The following NPBWR2 variants were observed in gnomAD, a reference collection of about 807,000 sequenced individuals.
The protein encoded by NPBWR2 is neuropeptides B and W receptor 2, also known as neuropeptides B/W receptor type 2.
For missense variants in NPBWR2, 390 were observed against 458.2 expected (o/e 0.85, Z 1.36); for synonymous variants, 207 against 223.5 (o/e 0.93, Z 0.66).
rs2145639723 is a variant in NPBWR2 at position 64,104,444 on chromosome 20, G to A, written c.*1386C>T. ...AAGTATGAGAGGAGCATCGGCCACA[G>A]CAGGGGTGTACAGGCCATGGCGAGG... On this transcript the variant is annotated 3_prime_UTR_variant, in exon 2 of 2. Transcript: ENST00000684052. 1.3e-5 allele frequency among the ~76,000 whole-genome samples: 2 copies of A among 151,998 alleles called. No individual in the cohort carries two copies. The highest frequency in any genetic ancestry group is 2.9e-5 in the Non-Finnish European group (2 of 67,982).
At position 64,107,192 on chromosome 20, in the gene NPBWR2, G is replaced by A. The variant is rs936382159; in HGVS notation, c.-92+172C>T. 6 of 354,730 alleles carry A rather than the reference G, an allele frequency of 1.7e-5. No homozygotes were observed. The highest frequency in any genetic ancestry group is 6.2e-5 in the African/African-American group (3 of 48,770). The allele number at this position is 354,730 out of a possible 1,614,324, so 22.0% of individuals were successfully genotyped here. On this transcript the variant is annotated intron_variant, in intron 1 of 1. Transcript: ENST00000684052. This position sits in a 1 kb window ranked among gnomAD's most constrained non-coding sequence, Gnocchi z 6.3. Reference sequence around the variant, plus strand: ...CTGCCCCAGCAACCCGCAGATGCACGGGCTGCGTAGAATCAAGCGGTCCCT... The same window carrying A: ...CTGCCCCAGCAACCCGCAGATGCACAGGCTGCGTAGAATCAAGCGGTCCCT...
rs1267808963 is a variant in NPBWR2 at position 64,107,287 on chromosome 20, G to A, written c.-92+77C>T. ...GAAGGTCCTTCCCTCAGGGGTCTTG[G>A]AGTCTGCACCCTCCCTCACACCCTC... On this transcript the variant is annotated intron_variant, in intron 1 of 1. Coordinates refer to ENST00000684052, the MANE Select transcript of NPBWR2 (RefSeq NM_005286.4). This position sits in a 1 kb window ranked among gnomAD's most constrained non-coding sequence, Gnocchi z 6.3. The A allele has an allele frequency of 9.7e-6, 2 of 207,204 alleles. No individual in the cohort carries two copies. The highest frequency in any genetic ancestry group is 4.6e-5 in the African/African-American group (2 of 43,888). The allele number at this position is 207,204 out of a possible 1,614,324, so 12.8% of individuals were successfully genotyped here. A position where few individuals can be genotyped will look rare whatever the true frequency, so the allele number is the denominator to read the frequency against.
chr20:64,105,806 TG>T lies in NPBWR2; in HGVS notation c.*23del. The stretch of plus-strand genomic sequence containing the variant: ...TGGGGGGTGATGATGGGCATGATGA[TG>T]GGGGTGATGGTGCCCAGGCCCTTCA... On this transcript the variant is annotated 3_prime_UTR_variant, in exon 2 of 2. Coordinates refer to ENST00000684052, the MANE Select transcript of NPBWR2 (RefSeq NM_005286.4). 6.7e-7 allele frequency: 1 copy of T among 1,502,808 alleles called. No homozygotes were observed. Among genetic ancestry groups the T allele is most frequent in the Non-Finnish European group, 9.0e-7 (1 of 1,110,102 alleles). The allele number at this position is 1,502,808 out of a possible 1,614,324, so 93.1% of individuals were successfully genotyped here.
In NPBWR2 at chr20:64,106,331, G is replaced by T; in HGVS notation, c.501C>A (p.Ser167Arg). The T allele has an allele frequency of 6.2e-7, 1 of 1,612,802 alleles. No homozygotes were observed. Among genetic ancestry groups the T allele is most frequent in the Non-Finnish European group, 8.5e-7 (1 of 1,179,996 alleles). ...CCGTGACGCCCAGCCAGACACACAG[G>T]CTGGCGACCTTCGCCCCCCGGTAGG... is the stretch of plus-strand genomic sequence containing the variant. ...WRTYRGAKVA[S>R]LCVWLGVTVL... Residue 167 changes from serine (S) to arginine (R), a missense_variant, in exon 2 of 2, where the codon AGC becomes AGA. Ser to Arg is a moderately radical substitution (Grantham distance 110). Transcript: ENST00000684052. The surrounding 1 kb of genome is among the most constrained non-coding windows in gnomAD (Gnocchi z 9.5).
At position 64,106,365 on chromosome 20, in the gene NPBWR2, G is replaced by A. The variant is rs1323337628; in HGVS notation, c.467C>T (p.Pro156Leu). 6 of 1,612,642 alleles carry A rather than the reference G, an allele frequency of 3.7e-6. No homozygotes were observed. In the East Asian group the frequency reaches 1.3e-4, roughly 36 times the overall value. ...VLATVRSRHM[P>L]WRTYRGAKVA... Reference sequence around the variant, plus strand: ...CTTCGCCCCCCGGTAGGTGCGCCAGGGCATGTGGCGGGACCTCACGGTGGC... The same window carrying A: ...CTTCGCCCCCCGGTAGGTGCGCCAGAGCATGTGGCGGGACCTCACGGTGGC... Residue 156 changes from proline (P) to leucine (L), a missense_variant, in exon 2 of 2, where the codon CCC becomes CTC. Coordinates refer to ENST00000684052, the MANE Select transcript of NPBWR2 (RefSeq NM_005286.4). The surrounding 1 kb of genome is among the most constrained non-coding windows in gnomAD (Gnocchi z 9.5).
In NPBWR2 at chr20:64,106,095, G is replaced by A. The variant is rs1169479722; in HGVS notation, c.737C>T (p.Ser246Phe). 3 of 1,611,458 alleles carry A rather than the reference G, an allele frequency of 1.9e-6. No homozygotes were observed. In the South Asian group the frequency reaches 3.3e-5, roughly 18 times the overall value. The change falls in exon 2 of 2, where the codon TCT (serine) becomes TTT (phenylalanine). Residue 246 changes from serine to phenylalanine, a missense_variant. By Grantham distance (155) the Ser-to-Phe change is radical (BLOSUM62 -2). Transcript: ENST00000684052. This position sits in a 1 kb window ranked among gnomAD's most constrained non-coding sequence, Gnocchi z 9.5. Reference sequence around the variant, plus strand: ...GGCCTTGCCTAGAGCCTTGGCTCCAGAGCGGAGCCGCACGGCCCGCAGCCT... The same window carrying A: ...GGCCTTGCCTAGAGCCTTGGCTCCAAAGCGGAGCCGCACGGCCCGCAGCCT... ...LRRLRAVRLR[S>F]GAKALGKARR...
At position 64,105,798 on chromosome 20, in the gene NPBWR2, C is replaced by CGTG. The variant is rs754214236; in HGVS notation, c.*31_*32insCAC. Reference sequence around the variant, plus strand: ...GATGATGATGGGGGGTGATGATGGGCATGATGATGGGGGTGATGGTGCCCA... The same window carrying CGTG: ...GATGATGATGGGGGGTGATGATGGGCGTGATGATGATGGGGGTGATGGTGCCCA... On this transcript the variant is annotated 3_prime_UTR_variant, in exon 2 of 2. Transcript: ENST00000684052. 3.6e-4 allele frequency: 400 copies of CGTG among 1,125,622 alleles called. 22 individuals are homozygous for CGTG. The highest frequency in any genetic ancestry group is 2.2e-3 in the Middle Eastern group (9 of 4,072). 69.7% of individuals were successfully genotyped at this position (1,125,622 alleles called of 1,614,324 possible). A position where few individuals can be genotyped will look rare whatever the true frequency, so the allele number is the denominator to read the frequency against.
chr20:64,107,030 T>C lies in NPBWR2; in HGVS notation c.-91-108A>G, dbSNP rs1980078711. The C allele has an allele frequency of 1.5e-6, 1 of 671,942 alleles. No individual in the cohort carries two copies. The highest frequency in any genetic ancestry group is 2.6e-6 in the Non-Finnish European group (1 of 390,702). The allele number at this position is 671,942 out of a possible 1,614,324, so 41.6% of individuals were successfully genotyped here. A position where few individuals can be genotyped will look rare whatever the true frequency, so the allele number is the denominator to read the frequency against. The stretch of plus-strand genomic sequence containing the variant: ...CGGCCACTTTGCCAGGTCAAGGACA[T>C]GGGGCCAGAGGGAGCCTGGTGGGGT... On this transcript the variant is annotated intron_variant, in intron 1 of 1. Transcript: ENST00000684052. This position sits in a 1 kb window ranked among gnomAD's most constrained non-coding sequence, Gnocchi z 6.3.
chr20:64,104,232 C>A lies in NPBWR2; in HGVS notation c.*1598G>T, dbSNP rs1278904292. ...CAGTCAGCGGTCTCTGAACTGCCTGCATTTCATTACCACCCCTCACCCTGC... is the reference window on the plus strand; with the variant it reads ...CAGTCAGCGGTCTCTGAACTGCCTGAATTTCATTACCACCCCTCACCCTGC... On this transcript the variant is annotated 3_prime_UTR_variant, in exon 2 of 2. Coordinates refer to ENST00000684052, the MANE Select transcript of NPBWR2 (RefSeq NM_005286.4). Among the ~76,000 whole-genome samples, 1 of 152,168 alleles carries A rather than the reference C, an allele frequency of 6.6e-6. No individual in the cohort carries two copies. The highest frequency in any genetic ancestry group is 2.4e-5 in the African/African-American group (1 of 41,408).
Position 64,104,776 on chromosome 20 carries a change from C to T in NPBWR2, c.*1054G>A, listed in dbSNP as rs865842880. Among the ~76,000 whole-genome samples the T allele has an allele frequency of 4.9e-4, 34 of 69,836 alleles. No homozygotes were observed. Among genetic ancestry groups the T allele is most frequent in the South Asian group, 1.7e-3 (3 of 1,746 alleles). 45.8% of individuals were successfully genotyped at this position (69,836 alleles called of 152,430 possible). A position where few individuals can be genotyped will look rare whatever the true frequency, so the allele number is the denominator to read the frequency against. On this transcript the variant is annotated 3_prime_UTR_variant, in exon 2 of 2. Transcript: ENST00000684052. ...AGGACTGTCGGCCACAGCAGGGGGG[C>T]ACAGGGGAGCACAGGCCATGGTGAG...
At position 64,105,634 on chromosome 20, in the gene NPBWR2, GCGTGATGGTGGATGTGAT is replaced by G. The variant is rs1979964489; in HGVS notation, c.*178_*195del. ...GTGGGGGTGGGGGTGATGGGGGTGG[GCGTGATGGTGGATGTGAT>G]GGGGGTGGGCATGATGATGGGCGTG... On this transcript the variant is annotated 3_prime_UTR_variant, in exon 2 of 2. Coordinates refer to ENST00000684052, the MANE Select transcript of NPBWR2 (RefSeq NM_005286.4). Among the ~76,000 whole-genome samples the G allele has an allele frequency of 4.5e-5, 1 of 22,088 alleles. No individual in the cohort carries two copies. Among genetic ancestry groups the G allele is most frequent in the African/African-American group, 2.4e-4 (1 of 4,224 alleles). The allele number at this position is 22,088 out of a possible 152,430, so 14.5% of individuals were successfully genotyped here. A position where few individuals can be genotyped will look rare whatever the true frequency, so the allele number is the denominator to read the frequency against.
Position 64,106,893 on chromosome 20 carries a change from A to G in NPBWR2, c.-62T>C, listed in dbSNP as rs1980074926. 2.6e-6 allele frequency: 4 copies of G among 1,563,582 alleles called. No homozygotes were observed. Among genetic ancestry groups the G allele is most frequent in the Admixed American group, 1.8e-5 (1 of 55,308 alleles). On this transcript the variant is annotated 5_prime_UTR_variant, in exon 2 of 2. Transcript: ENST00000684052. This position sits in a 1 kb window ranked among gnomAD's most constrained non-coding sequence, Gnocchi z 9.5. ...GGTGGGAGGTGCCTTGGAGTTGGGT[A>G]TCTGGTTGGGGGCCTCCTTGGGCTG... is the stretch of plus-strand genomic sequence containing the variant.
At position 64,106,815 on chromosome 20, in the gene NPBWR2, T is replaced by A; in HGVS notation, c.17A>T (p.His6Leu). ...GCCCCTGCTGTCAAGGGGCTCTGGG[T>A]GCCCAGCGGCCTGCATTGTAGCTGG... MQAAG[H>L]PEPLDSRGSF... Residue 6 changes from histidine to leucine, a missense_variant, in exon 2 of 2, where the codon CAC becomes CTC. Physicochemically the swap from His to Leu is moderately conservative, Grantham distance 99. Transcript: ENST00000684052. This position sits in a 1 kb window ranked among gnomAD's most constrained non-coding sequence, Gnocchi z 9.5. 1 of 1,610,980 alleles carries A rather than the reference T, an allele frequency of 6.2e-7. No individual in the cohort carries two copies. Among genetic ancestry groups the A allele is most frequent in the Non-Finnish European group, 8.5e-7 (1 of 1,178,616 alleles).
Position 64,106,599 on chromosome 20 carries a change from G to A in NPBWR2, c.233C>T (p.Thr78Met), listed in dbSNP as rs146623988. 2.0e-4 allele frequency: 326 copies of A among 1,611,844 alleles called. 4 individuals carry two copies. Among genetic ancestry groups the A allele is most frequent in the East Asian group, 9.1e-4 (41 of 44,878 alleles). The change falls in exon 2 of 2, where the codon ACG becomes ATG. Residue 78 changes from threonine (T) to methionine (M), a missense_variant. Physicochemically the swap from Thr to Met is moderately conservative, Grantham distance 81. Coordinates refer to ENST00000684052, the MANE Select transcript of NPBWR2 (RefSeq NM_005286.4). The surrounding 1 kb of genome is among the most constrained non-coding windows in gnomAD (Gnocchi z 9.5). Reference protein sequence around the residue: ...LVILRAPKMKTVTNVFILNLA... With the variant: ...LVILRAPKMKMVTNVFILNLA... ...GTTCAGGATGAACACGTTGGTCACC[G>A]TCTTCATCTTGGGCGCCCTTAGGAT...
In NPBWR2 at chr20:64,105,172, C is replaced by A. The variant is rs1012417928; in HGVS notation, c.*658G>T. 4.6e-5 allele frequency among the ~76,000 whole-genome samples: 7 copies of A among 152,004 alleles called. No homozygotes were observed. Among genetic ancestry groups the A allele is most frequent in the Admixed American group, 2.0e-4 (3 of 15,270 alleles). ...TGGGGAGAGACTATGTAACGTGGCC[C>A]AGGTCAAGATCACAGTTCAGGTTCC... On this transcript the variant is annotated 3_prime_UTR_variant, in exon 2 of 2. Transcript: ENST00000684052.
chr20:64,106,939 AC>A lies in NPBWR2; in HGVS notation c.-91-18del. 7.3e-7 allele frequency: 1 copy of A among 1,364,400 alleles called. No individual in the cohort carries two copies. The highest frequency in any genetic ancestry group is 1.0e-6 in the Non-Finnish European group (1 of 1,000,624). 84.5% of individuals were successfully genotyped at this position (1,364,400 alleles called of 1,614,324 possible). ...GGCTGGATTCTAGGAAAGAAAAACA[AC>A]CAGAGACTTTGAGATCCGGCCGTCT... On this transcript the variant is annotated intron_variant, in intron 1 of 1. Transcript: ENST00000684052. The surrounding 1 kb of genome is among the most constrained non-coding windows in gnomAD (Gnocchi z 9.5).
Position 64,107,166 on chromosome 20 carries a change from C to G in NPBWR2, c.-92+198G>C, listed in dbSNP as rs1306191596. On this transcript the variant is annotated intron_variant, in intron 1 of 1. Transcript: ENST00000684052. This position sits in a 1 kb window ranked among gnomAD's most constrained non-coding sequence, Gnocchi z 6.3. ...TCCTGGGAAGAGATGTGGATCCGTC[C>G]CTGCCCCAGCAACCCGCAGATGCAC... The G allele has an allele frequency of 7.1e-6, 3 of 419,754 alleles. No individual in the cohort carries two copies. The highest frequency in any genetic ancestry group is 1.3e-5 in the Non-Finnish European group (3 of 222,542). The allele number at this position is 419,754 out of a possible 1,614,324, so 26.0% of individuals were successfully genotyped here. A position where few individuals can be genotyped will look rare whatever the true frequency, so the allele number is the denominator to read the frequency against.
rs1569286193 is a variant in NPBWR2, at chr20:64,106,443, GAGA to G, written c.386_388del (p.Phe129del). ...CATCACGGCTAGGAAGTAGATGCTGGAGAAGATGTTGTAGTGGTCGACGGCCAG... is the reference window on the plus strand; with the variant it reads ...CATCACGGCTAGGAAGTAGATGCTGGAGATGTTGTAGTGGTCGACGGCCAG... On this transcript the variant is annotated inframe_deletion, in exon 2 of 2. Coordinates refer to ENST00000684052, the MANE Select transcript of NPBWR2 (RefSeq NM_005286.4). This position sits in a 1 kb window ranked among gnomAD's most constrained non-coding sequence, Gnocchi z 9.5. 6.2e-7 allele frequency: 1 copy of G among 1,612,814 alleles called. No individual in the cohort carries two copies. Among genetic ancestry groups the G allele is most frequent in the South Asian group, 1.1e-5 (1 of 91,088 alleles).
At position 64,105,067 on chromosome 20, in the gene NPBWR2, G is replaced by A. The variant is rs561240395; in HGVS notation, c.*763C>T. On this transcript the variant is annotated 3_prime_UTR_variant, in exon 2 of 2. Transcript: ENST00000684052. ...GAGAGTGGATTTCTGGGTCTCATGC[G>A]GTGCAGGTGTCCGCCTTTGCAGCAA... Among the ~76,000 whole-genome samples, 8 of 149,636 alleles carry A rather than the reference G, an allele frequency of 5.3e-5. No homozygotes were observed. Among genetic ancestry groups the A allele is most frequent in the Non-Finnish European group, 7.5e-5 (5 of 66,578 alleles).
Sources: gnomAD v4.1 joint callset for allele counts (sites outside exome capture counted in the v4.1 genomes callset) on GRCh38, gnomAD v4.1.1 for gene constraint, Gnocchi (gnomAD v3.1) non-coding constraint, MANE v1.5 for transcripts, NCBI Gene and HGNC (gene_info 2026-07-23, HGNC 2026-07-21) for gene names.